AGBL1: variants seen among roughly 807,000 people sequenced by gnomAD.
AGBL1 encodes the protein cytosolic carboxypeptidase 4.
In AGBL1, 130 loss-of-function variants were observed where a neutral mutation model predicts 118.9. The observed-to-expected ratio is 1.09, with a 90% CI of 0.95 to 1.26. The LOEUF is 1.26. Ranked by LOEUF, AGBL1 falls within the 50% of genes most tolerant of loss-of-function variation. The pLI is 0.00. For synonymous variants in AGBL1, 555 were observed against 478.9 expected, an observed-to-expected ratio of 1.16 and a Z score of -2.08; for missense variants, 1,584 against 1,298.1, an observed-to-expected ratio of 1.22 and a Z score of -3.38.
chr15:86,831,948 T>G (rs952753354), intron 22 of AGBL1, among the ~76,000 whole-genome samples: 2 of 152,214 alleles, frequency 1.3e-5, no homozygotes, highest in Non-Finnish European at 2.9e-5. Context: ...TTCTGAAATC[T>G]AGGCAAATGT....
At chr15:86,447,400 G>A (rs943130601) in intron 18 of AGBL1, among the ~76,000 whole-genome samples, 1 of 152,218 alleles carries the variant, frequency 6.6e-6, no homozygotes, top group Non-Finnish European at 1.5e-5. Context: ...GCACTGCCAT[G>A]TGTAGCCTGA....
rs2080342158 is a variant in AGBL1 at position 86,910,973 on chromosome 15, A to G, written c.*3679A>G. On this transcript the variant is annotated 3_prime_UTR_variant, in exon 23 of 23. Coordinates refer to ENST00000614907, the MANE Select transcript of AGBL1 (RefSeq NM_001386094.1). ...TTAACTCTCAATAGTTATAAGAGCC[A>G]TTCTTCCAGTCAAGCCAGGACTTTC... The G allele has an allele frequency of 6.6e-6, 1 of 152,252 alleles. No individual in the cohort carries two copies. Among genetic ancestry groups the G allele is most frequent in the South Asian group, 2.1e-4 (1 of 4,824 alleles). 9.4% of individuals were successfully genotyped at this position (152,252 alleles called of 1,614,324 possible). A position where few individuals can be genotyped will look rare whatever the true frequency, so the allele number is the denominator to read the frequency against.
At chr15:86,233,085 C>G (rs2078482458) in intron 6 of AGBL1, among the ~76,000 whole-genome samples, 1 of 152,048 alleles carries the variant, frequency 6.6e-6, no homozygotes, top group Non-Finnish European at 1.5e-5. Flanking sequence ...AGTGACTTGC[C>G]CAAGATCCCA....
intron 4 of AGBL1, among the ~76,000 whole-genome samples, chr15:86,154,764 G>A (rs557800233): frequency 1.3e-5 from 2 of 152,220 alleles, no homozygotes; most frequent in South Asian, 4.2e-4. Flanking sequence ...GCTGGGTAGA[G>A]CTCTTGAGTC....
At chr15:86,997,735 C>T (rs1454879774) in intron 24 of AGBL1, among the ~76,000 whole-genome samples, 4 of 152,092 alleles carry the variant, frequency 2.6e-5, no homozygotes, top group African/African-American at 7.2e-5. Context: ...GTTTGTAAAG[C>T]CCACATTCTT....
At chr15:86,192,472 C>T (rs1007170863) in intron 5 of AGBL1, among the ~76,000 whole-genome samples, 2 of 151,686 alleles carry the variant, frequency 1.3e-5, no homozygotes, top group Non-Finnish European at 2.9e-5. Flanking sequence ...ATGGGCCATT[C>T]TAAAAAAAAT....
Position 86,313,312 on chromosome 15 carries a change from A to G in AGBL1, c.2374+17904A>G, listed in dbSNP as rs550856234. On this transcript the variant is annotated intron_variant, in intron 17 of 22. Coordinates refer to ENST00000614907, the MANE Select transcript of AGBL1 (RefSeq NM_001386094.1). Reference sequence around the variant, plus strand: ...TGTTTATTCAGATTCTGAACTCTTTAGAAAAAAAACAAAGAATTCCCACAT... The same window carrying G: ...TGTTTATTCAGATTCTGAACTCTTTGGAAAAAAAACAAAGAATTCCCACAT... Among the ~76,000 whole-genome samples, 16 of 152,130 alleles carry G rather than the reference A, an allele frequency of 1.1e-4. No homozygotes were observed. The East Asian group carries it at 1.5e-3, about 15-fold the overall frequency.
intron 21 of AGBL1, among the ~76,000 whole-genome samples, chr15:86,606,574 G>T (rs1208786571): frequency 6.6e-6 from 1 of 152,110 alleles, no homozygotes; most frequent in African/African-American, 2.4e-5. Context: ...GAGTAAAATG[G>T]TGTTTAGAGA....
At chr15:86,986,854 CTGTT>C (rs1031707123) in intron 23 of AGBL1, among the ~76,000 whole-genome samples, 2 of 152,100 alleles carry the variant, frequency 1.3e-5, no homozygotes, top group Admixed American at 1.3e-4. Flanking sequence ...GTGAGCAAGG[CTGTT>C]TATTTCACCT....
intron 22 of AGBL1, among the ~76,000 whole-genome samples, chr15:86,701,371 A>G (rs560121342): frequency 6.6e-6 from 1 of 152,222 alleles, no homozygotes; most frequent in African/African-American, 2.4e-5. Flanking sequence ...TTCTGAAGCT[A>G]GAATTGTTAA....
chr15:86,163,292 G>C (rs1050828022), intron 5 of AGBL1, among the ~76,000 whole-genome samples: 1 of 152,164 alleles, frequency 6.6e-6, no homozygotes, highest in African/African-American at 2.4e-5. Context: ...AGTTGGGTGT[G>C]GTGGTGCACA....
At chr15:86,264,213 C>A in intron 10 of AGBL1, 45 bp from the exon 11 acceptor site, 2 of 1,417,660 alleles carry the variant, frequency 1.4e-6, no homozygotes, top group East Asian at 2.5e-5. Flanking sequence ...TATTCCCTAC[C>A]TGGAAGGACA....
intron 23 of AGBL1, among the ~76,000 whole-genome samples, chr15:86,948,187 C>G (rs572167754): frequency 5.3e-5 from 8 of 152,196 alleles, no homozygotes; most frequent in African/African-American, 1.9e-4. Context: ...AGACCAAACA[C>G]CACCAGACAG....
At chr15:86,784,513 T>C (rs2078379516) in intron 22 of AGBL1, among the ~76,000 whole-genome samples, 1 of 152,240 alleles carries the variant, frequency 6.6e-6, no homozygotes, top group Non-Finnish European at 1.5e-5. Context: ...GATTTTAGTT[T>C]ATTTGCCCTT....
At chr15:86,334,402 A>G (rs984486341) in intron 17 of AGBL1, among the ~76,000 whole-genome samples, 1 of 152,292 alleles carries the variant, frequency 6.6e-6, no homozygotes. Flanking sequence ...CCAATCAAGA[A>G]CACAATCCAA....
chr15:86,739,552 G>A (rs1235197509), intron 22 of AGBL1, among the ~76,000 whole-genome samples: 1 of 148,642 alleles, frequency 6.7e-6, no homozygotes, highest in Non-Finnish European at 1.5e-5. Context: ...ACATGTGAGA[G>A]TAACAGGTGA....
At chr15:86,817,310 A>C (rs75403051) in intron 22 of AGBL1, among the ~76,000 whole-genome samples, 7 of 149,750 alleles carry the variant, frequency 4.7e-5, no homozygotes, top group South Asian at 2.1e-4. Flanking sequence ...AAAAAAAAAA[A>C]CCACCAAACT....
intron 16 of AGBL1, among the ~76,000 whole-genome samples, chr15:86,290,544 G>C (rs1219859178): frequency 1.3e-5 from 2 of 151,454 alleles, no homozygotes; most frequent in Non-Finnish European, 2.9e-5. Context: ...TAGAGATGGG[G>C]TCTTGCCATG....
intron 1 of AGBL1, among the ~76,000 whole-genome samples, chr15:86,117,326 C>A (rs961626977): frequency 6.6e-6 from 1 of 151,948 alleles, no homozygotes; most frequent in African/African-American, 2.4e-5. Flanking sequence ...TTTTTTTTCC[C>A]TTTATTTCTC....
Sources: gnomAD v4.1 joint callset for allele counts (sites outside exome capture counted in the v4.1 genomes callset) on GRCh38, gnomAD v4.1.1 for gene constraint, MANE v1.5 for transcripts, NCBI Gene and HGNC (gene_info 2026-07-23, HGNC 2026-07-21) for gene names.